The following TTBK2 variants were observed in gnomAD, a reference collection of about 807,000 sequenced individuals.
TTBK2 encodes tau-tubulin kinase 2.
TTBK2 carries 28 observed loss-of-function variants against 110.8 expected under a neutral mutation model. The observed-to-expected ratio is 0.25, with a 90% CI of 0.19 to 0.35. TTBK2 has a LOEUF of 0.35. Among genes scored for constraint, TTBK2 ranks in the 10% least tolerant of loss-of-function variants. The pLI, the probability that TTBK2 is intolerant of heterozygous loss-of-function variation, is 1.00. For missense variants in TTBK2, 1,369 were observed against 1,500.3 expected (o/e 0.91, Z 1.45); for synonymous variants, 532 against 527.3 (o/e 1.01, Z -0.12).
At chr15:42,856,315 G>A (rs1893938263) in intron 3 of TTBK2, among the ~76,000 whole-genome samples, 1 of 151,982 alleles carries the variant, frequency 6.6e-6, no homozygotes, top group East Asian at 1.9e-4. Context: ...CCACAAGGAT[G>A]CAATCAGCCA....
intron 6 of TTBK2, among the ~76,000 whole-genome samples, chr15:42,820,452 A>C (rs1013607652): frequency 6.6e-6 from 1 of 152,170 alleles, no homozygotes; most frequent in Non-Finnish European, 1.5e-5. Context: ...TCCTCAATTG[A>C]TGGCACTTCA....
chr15:42,915,725 T>C (rs901563923), intron 1 of TTBK2, among the ~76,000 whole-genome samples: 1 of 152,156 alleles, frequency 6.6e-6, no homozygotes, highest in African/African-American at 2.4e-5. Context: ...GGTGGGAGGA[T>C]TGCTTGAATT....
At chr15:42,827,064 C>A (rs1290683207) in intron 6 of TTBK2, among the ~76,000 whole-genome samples, 1 of 152,178 alleles carries the variant, frequency 6.6e-6, no homozygotes, top group Non-Finnish European at 1.5e-5. Flanking sequence ...AATAAAGTAA[C>A]TGGCTTGCAA....
Position 42,753,118 on chromosome 15 carries a change from T to C in TTBK2, c.2128A>G (p.Asn710Asp). ...PTVELYSPRENFSGLVVTEGE... is the reference protein window; with the variant it reads ...PTVELYSPREDFSGLVVTEGE... The stretch of plus-strand genomic sequence containing the variant: ...TCTGTCACAACCAAGCCAGAGAAGT[T>C]TTCCCTTGGAGAGTAAAGTTCCACA... The change falls in exon 14 of 15, where the codon AAC (asparagine) becomes GAC (aspartate). Residue 710 changes from asparagine to aspartate, a missense_variant. Asn to Asp is a conservative substitution (Grantham distance 23). Around this residue, in one of 4 missense-constraint regions of TTBK2, gnomAD observed 1,097 missense variants for 1,114.7 expected, o/e 0.98. Transcript: ENST00000267890. 2 of 1,597,590 alleles carry C rather than the reference T, an allele frequency of 1.3e-6. No homozygotes were observed. Among genetic ancestry groups the C allele is most frequent in the Non-Finnish European group, 1.7e-6 (2 of 1,173,594 alleles).
At chr15:42,759,379 G>A (rs1308616175) in intron 13 of TTBK2, among the ~76,000 whole-genome samples, 1 of 152,210 alleles carries the variant, frequency 6.6e-6, no homozygotes, top group Non-Finnish European at 1.5e-5. Flanking sequence ...CTGAGCGGCT[G>A]CATACCTGCG....
At chr15:42,809,915 A>G (rs547989961) in intron 9 of TTBK2, among the ~76,000 whole-genome samples, 9 of 152,228 alleles carry the variant, frequency 5.9e-5, no homozygotes, top group Non-Finnish European at 1.0e-4. Context: ...TACCATTAAC[A>G]TGCAGTAAAG....
chr15:42,889,266 G>T (rs1368667896), intron 1 of TTBK2, among the ~76,000 whole-genome samples: 1 of 152,164 alleles, frequency 6.6e-6, no homozygotes, highest in Admixed American at 6.5e-5. Context: ...TCTTGAGTCA[G>T]GAAACTAAAA....
Position 42,817,025 on chromosome 15 carries a change from T to C in TTBK2, c.603+7A>G, listed in dbSNP as rs1300434032. The C allele has an allele frequency of 6.3e-7, 1 of 1,596,452 alleles. No homozygotes were observed. The highest frequency in any genetic ancestry group is 8.6e-7 in the Non-Finnish European group (1 of 1,169,378). On this transcript the variant is annotated splice_region_variant and intron_variant, in intron 7 of 14. Coordinates refer to ENST00000267890, the MANE Select transcript of TTBK2 (RefSeq NM_173500.4). ...TATACAGATATGACTCTAGTTCAGA[T>C]ACCTACCCTGTTCCGATGTGCGTTG...
intron 11 of TTBK2, among the ~76,000 whole-genome samples, chr15:42,782,349 G>C (rs1012360733): frequency 6.6e-6 from 1 of 152,162 alleles, no homozygotes; most frequent in Non-Finnish European, 1.5e-5. Context: ...TAGGATTACA[G>C]GTGTGAGCCA....
At chr15:42,867,883 C>T (rs1894442476) in intron 3 of TTBK2, among the ~76,000 whole-genome samples, 1 of 152,192 alleles carries the variant, frequency 6.6e-6, no homozygotes, top group Non-Finnish European at 1.5e-5. Context: ...ATCTGCACAG[C>T]AACCAAGATA....
chr15:42,746,365 G>GGGTT, intron 14 of TTBK2, 108 bp from the exon 15 acceptor site: 2 of 856,480 alleles, frequency 2.3e-6, no homozygotes, highest in Admixed American at 4.5e-5. Context: ...TCAGAAAATA[G>GGGTT]ACTAACAGGA....
At chr15:42,881,623 T>A (rs57419059) in intron 1 of TTBK2, among the ~76,000 whole-genome samples, 2 of 151,858 alleles carry the variant, frequency 1.3e-5, no homozygotes, top group African/African-American at 4.8e-5. Context: ...CCTGTAATCA[T>A]AGCACTTTGG....
intron 3 of TTBK2, among the ~76,000 whole-genome samples, chr15:42,845,791 G>C (rs1595978254): frequency 6.6e-6 from 1 of 152,032 alleles, no homozygotes; most frequent in Admixed American, 6.6e-5. Flanking sequence ...ACATCATAGG[G>C]TGTGCTTACA....
At chr15:42,896,469 T>G (rs1459215043) in intron 1 of TTBK2, among the ~76,000 whole-genome samples, 1 of 151,984 alleles carries the variant, frequency 6.6e-6, no homozygotes, top group Non-Finnish European at 1.5e-5. Context: ...TAACTCATAA[T>G]GTATCACAGA....
chr15:42,902,353 T>C (rs969284567), intron 1 of TTBK2, among the ~76,000 whole-genome samples: 1 of 151,458 alleles, frequency 6.6e-6, no homozygotes, highest in Non-Finnish European at 1.5e-5. Flanking sequence ...AAACCCCATC[T>C]CTACTAAAAA....
chr15:42,852,010 C>T (rs1335896803), intron 3 of TTBK2, among the ~76,000 whole-genome samples: 4 of 151,784 alleles, frequency 2.6e-5, no homozygotes, highest in Non-Finnish European at 5.9e-5. Flanking sequence ...TAGCACTGTT[C>T]TACCATATCG....
Position 42,815,949 on chromosome 15 carries a change from T to TTAAAAA in TTBK2, c.603+1082_603+1083insTTTTTA, listed in dbSNP as rs1194813331. The stretch of plus-strand genomic sequence containing the variant: ...ATTTAAAAATATATATATATATATT[T>TTAAAAA]AAAAAAAAAATATATATATATATAT... On this transcript the variant is annotated intron_variant, in intron 7 of 14. Coordinates refer to ENST00000267890, the MANE Select transcript of TTBK2 (RefSeq NM_173500.4). Among the ~76,000 whole-genome samples the TTAAAAA allele has an allele frequency of 1.9e-4, 7 of 37,170 alleles. 1 individual carries two copies. Among genetic ancestry groups the TTAAAAA allele is most frequent in the African/African-American group, 1.2e-3 (7 of 5,720 alleles). The allele number at this position is 37,170 out of a possible 152,430, so 24.4% of individuals were successfully genotyped here.
At chr15:42,801,047 G>A (rs763957320) in intron 9 of TTBK2, 2 of 767,256 alleles carry the variant, frequency 2.6e-6, no homozygotes, top group African/African-American at 3.4e-5. Context: ...CCCTGGAGGA[G>A]CTGGTGTGGC....
intron 6 of TTBK2, among the ~76,000 whole-genome samples, chr15:42,826,156 T>A (rs1892528630): frequency 6.6e-6 from 1 of 152,120 alleles, no homozygotes; most frequent in Admixed American, 6.5e-5. Flanking sequence ...ATGAAACAAA[T>A]CTACAATGGG....
Sources: allele counts gnomAD v4.1 joint callset (sites outside exome capture counted in the v4.1 genomes callset), GRCh38; gene constraint gnomAD v4.1.1; regional missense constraint gnomAD v4.1.1; transcripts MANE v1.5; gene names NCBI Gene and HGNC (gene_info 2026-07-23, HGNC 2026-07-21).